The following POU2AF2 variants were observed in gnomAD, a reference collection of about 807,000 sequenced individuals.
The protein encoded by POU2AF2 is POU class 2 homeobox associating factor 2.
At chr11:111,281,953 G>A in the POU2AF2 span, among the ~76,000 whole-genome samples, 15 of 152,184 alleles carry the variant, frequency 9.9e-5, no homozygotes, top group African/African-American at 3.1e-4. Flanking sequence ...ACTCAGACGC[G>A]GCACATTCCC....
chr11:111,269,534 T>C, the POU2AF2 span, among the ~76,000 whole-genome samples: 1 of 152,160 alleles, frequency 6.6e-6, no homozygotes, highest in Non-Finnish European at 1.5e-5. Context: ...TTTAATGTCA[T>C]AAAATTTAAA....
the POU2AF2 span, among the ~76,000 whole-genome samples, chr11:111,251,539 A>G: frequency 4.6e-5 from 7 of 152,146 alleles, no homozygotes; most frequent in East Asian, 3.9e-4. Context: ...AGTATCTCCA[A>G]TTGTACTCAT....
At chr11:111,256,457 G>A in the POU2AF2 span, among the ~76,000 whole-genome samples, 2 of 152,234 alleles carry the variant, frequency 1.3e-5, no homozygotes, top group African/African-American at 4.8e-5. Context: ...TGGATGTCAT[G>A]TAAATCACAT....
chr11:111,264,831 AAG>A, the POU2AF2 span, among the ~76,000 whole-genome samples: 4 of 148,212 alleles, frequency 2.7e-5, no homozygotes, highest in South Asian at 2.2e-4. Flanking sequence ...GAAAGAAAGA[AAG>A]AGAGGAAGGA....
At chr11:111,281,742 C>G in the POU2AF2 span, among the ~76,000 whole-genome samples, 1 of 152,188 alleles carries the variant, frequency 6.6e-6, no homozygotes, top group African/African-American at 2.4e-5. Flanking sequence ...ATAGATGAGG[C>G]ATCTGCTTTC....
chr11:111,255,389 T>C, the POU2AF2 span, among the ~76,000 whole-genome samples: 2 of 152,226 alleles, frequency 1.3e-5, no homozygotes, highest in Admixed American at 6.5e-5. Flanking sequence ...AATGAATGAA[T>C]GATTCCTTAT....
the POU2AF2 span, among the ~76,000 whole-genome samples, chr11:111,259,221 G>A: frequency 6.6e-6 from 1 of 151,712 alleles, no homozygotes; most frequent in Non-Finnish European, 1.5e-5. Flanking sequence ...CCAGTTTACA[G>A]ATGAGTGCAT....
chr11:111,280,057 A>T, the POU2AF2 span, among the ~76,000 whole-genome samples: 1,443 of 76,170 alleles, frequency 0.019, 21 homozygotes, highest in South Asian at 0.027. Context: ...AAAAAAAAAA[A>T]ATATATATAT....
chr11:111,268,076 C>T, the POU2AF2 span, among the ~76,000 whole-genome samples: 382 of 152,236 alleles, frequency 2.5e-3, 3 homozygotes, highest in African/African-American at 8.8e-3. Flanking sequence ...AGAGCAAAAA[C>T]TGGTACACAG....
the POU2AF2 span, among the ~76,000 whole-genome samples, chr11:111,283,701 T>C: frequency 6.6e-6 from 1 of 152,180 alleles, no homozygotes; most frequent in Non-Finnish European, 1.5e-5. Flanking sequence ...TCTATGTATA[T>C]GGAGAGGTAG....
chr11:111,262,780 C>T, the POU2AF2 span, among the ~76,000 whole-genome samples: 12 of 152,260 alleles, frequency 7.9e-5, 1 homozygote, highest in African/African-American at 2.9e-4. Context: ...AGTTTCTGTG[C>T]TTATTTTTTT....
chr11:111,280,057 A>AATATATAT, the POU2AF2 span, among the ~76,000 whole-genome samples: 20 of 76,468 alleles, frequency 2.6e-4, no homozygotes, highest in Middle Eastern at 6.7e-3. Context: ...AAAAAAAAAA[A>AATATATAT]ATATATATAT....
the POU2AF2 span, among the ~76,000 whole-genome samples, chr11:111,252,080 A>G: frequency 6.6e-6 from 1 of 152,258 alleles, no homozygotes; most frequent in African/African-American, 2.4e-5. Flanking sequence ...CACTTTAAAA[A>G]GCAAAGTAGA....
chr11:111,283,063 T>TAC, the POU2AF2 span, among the ~76,000 whole-genome samples: 3 of 147,736 alleles, frequency 2.0e-5, no homozygotes, highest in Non-Finnish European at 4.5e-5. Flanking sequence ...TTTTACTTTT[T>TAC]TTTTTTTTTT....
the POU2AF2 span, among the ~76,000 whole-genome samples, chr11:111,280,673 A>T: frequency 6.6e-6 from 1 of 152,208 alleles, no homozygotes; most frequent in Non-Finnish European, 1.5e-5. Context: ...ATTGTATTTC[A>T]CAATGGCCCG....
the POU2AF2 span, among the ~76,000 whole-genome samples, chr11:111,267,988 C>G: frequency 6.6e-6 from 1 of 152,130 alleles, no homozygotes; most frequent in Admixed American, 6.5e-5. Context: ...TAATACCATA[C>G]TACTGCTCTT....
the POU2AF2 span, among the ~76,000 whole-genome samples, chr11:111,278,908 T>C: frequency 6.6e-6 from 1 of 152,240 alleles, no homozygotes; most frequent in Admixed American, 6.5e-5. Flanking sequence ...CTAAGTTCTG[T>C]GTGCCTGGAT....
chr11:111,265,157 C>G, the POU2AF2 span, among the ~76,000 whole-genome samples: 1 of 152,078 alleles, frequency 6.6e-6, no homozygotes. Flanking sequence ...GCGGATGAAC[C>G]AATTTTGTCT....
the POU2AF2 span, among the ~76,000 whole-genome samples, chr11:111,272,275 C>T: frequency 4.9e-4 from 74 of 152,236 alleles, no homozygotes; most frequent in African/African-American, 1.8e-3. Context: ...ACCTCATCAC[C>T]ACCCCAAACT....
Sources: gnomAD v4.1 joint callset for allele counts (sites outside exome capture counted in the v4.1 genomes callset) on GRCh38, gnomAD v4.1.1 for gene constraint, MANE v1.5 for transcripts, NCBI Gene and HGNC (gene_info 2026-07-23, HGNC 2026-07-21) for gene names.